MARCHF1: variants seen among roughly 807,000 people sequenced by gnomAD.
MARCHF1 encodes the protein E3 ubiquitin-protein ligase MARCHF1.
In MARCHF1, 40 loss-of-function variants were observed where a neutral mutation model predicts 54.2. The ratio of observed to expected loss-of-function variants is 0.74; its 90% CI spans 0.57 to 0.96. MARCHF1 has a LOEUF of 0.96. Among genes scored for constraint, MARCHF1 ranks in the 40% least tolerant of loss-of-function variants. The pLI is 0.00. For missense variants in MARCHF1, 586 were observed against 656.5 expected (o/e 0.89, Z 1.17); for synonymous variants, 236 against 236.3 (o/e 1.00, Z 0.01).
At chr4:164,258,132 C>T (rs1338622894) in intron 1 of MARCHF1, among the ~76,000 whole-genome samples, 1 of 152,064 alleles carries the variant, frequency 6.6e-6, no homozygotes. Context: ...AACCATCATT[C>T]TCAGCAAACA....
Position 163,988,681 on chromosome 4 carries a change from T to C in MARCHF1, c.-219A>G, listed in dbSNP as rs1328532324. ...CCTGAGTAGCCCACCTGCACAATTG[T>C]TCATATCCTTGCTTTGCCAAGCTCA... On this transcript the variant is annotated 5_prime_UTR_variant, in exon 3 of 10. Transcript: ENST00000514618. 6.6e-6 allele frequency: 1 copy of C among 152,188 alleles called. No homozygotes were observed. The highest frequency in any genetic ancestry group is 1.5e-5 in the Non-Finnish European group (1 of 68,062). The allele number at this position is 152,188 out of a possible 1,614,324, so 9.4% of individuals were successfully genotyped here. A position where few individuals can be genotyped will look rare whatever the true frequency, so the allele number is the denominator to read the frequency against.
intron 1 of MARCHF1, among the ~76,000 whole-genome samples, chr4:164,262,335 C>A (rs1301288133): frequency 6.6e-6 from 1 of 152,060 alleles, no homozygotes; most frequent in Admixed American, 6.6e-5. Flanking sequence ...CCCCACAACA[C>A]CAAACAAGTG....
intron 1 of MARCHF1, among the ~76,000 whole-genome samples, chr4:164,344,646 A>G (rs1003656564): frequency 1.3e-5 from 2 of 152,170 alleles, no homozygotes; most frequent in African/African-American, 4.8e-5. Flanking sequence ...GGATCTAGAA[A>G]GGCAACTATC....
chr4:164,268,187 T>G (rs1010334404), intron 1 of MARCHF1, among the ~76,000 whole-genome samples: 2 of 152,160 alleles, frequency 1.3e-5, no homozygotes, highest in Admixed American at 6.6e-5. Context: ...AAACACATAT[T>G]TTAATGTGGT....
chr4:163,612,911 C>A lies in MARCHF1; in HGVS notation c.370G>T (p.Ala124Ser). 1 of 1,535,464 alleles carries A rather than the reference C, an allele frequency of 6.5e-7. No homozygotes were observed. The highest frequency in any genetic ancestry group is 1.2e-5 in the South Asian group (1 of 84,040). Residue 124 changes from alanine to serine, a missense_variant, in exon 7 of 10, where the codon GCC (alanine) becomes TCC (serine). This residue lies in a region of MARCHF1 where 387 missense variants were observed against 394.6 expected (regional missense o/e 0.98). Transcript: ENST00000514618. Reference sequence around the variant, plus strand: ...GCAGCATGCTCATATCTCTCAGAGGCTTTTCTCCTCCTCCTAGGTCTTTGT... The same window carrying A: ...GCAGCATGCTCATATCTCTCAGAGGATTTTCTCCTCCTCCTAGGTCTTTGT... ...VIQRPRRRRK[A>S]SERYEHAAEE...
intron 3 of MARCHF1, among the ~76,000 whole-genome samples, chr4:163,947,759 T>C (rs72687926): frequency 0.089 from 13,592 of 152,314 alleles, 723 homozygotes; most frequent in Non-Finnish European, 0.12. Context: ...GCGTAGCTTA[T>C]ATTGTCTAGA....
intron 3 of MARCHF1, among the ~76,000 whole-genome samples, chr4:163,950,986 T>A (rs1460898586): frequency 6.6e-6 from 1 of 152,174 alleles, no homozygotes; most frequent in Non-Finnish European, 1.5e-5. Context: ...GCATGAAATG[T>A]CATAGTATCA....
At chr4:163,742,397 C>CCCTTCCTTCCTT (rs201806407) in intron 4 of MARCHF1, among the ~76,000 whole-genome samples, 1,077 of 91,276 alleles carry the variant, frequency 0.012, 19 homozygotes, top group East Asian at 0.04. Context: ...CTTCCTTCCT[C>CCCTTCCTTCCTT]CCTTCCTTCC....
rs757189484 is a variant in MARCHF1 at position 163,817,424 on chromosome 4, GAC to G, written c.111+36595_111+36596del. Among the ~76,000 whole-genome samples the G allele has an allele frequency of 5.4e-5, 8 of 147,730 alleles. No homozygotes were observed. In the South Asian group the frequency reaches 1.3e-3, roughly 24 times the overall value. On this transcript the variant is annotated intron_variant, in intron 4 of 9. Coordinates refer to ENST00000514618, the MANE Select transcript of MARCHF1 (RefSeq NM_001394959.1). ...ACATATACATATATATGTATATATA[GAC>G]ACACACACATATATGTAGCTGTGTG...
intron 2 of MARCHF1, among the ~76,000 whole-genome samples, chr4:164,006,422 G>A (rs968837520): frequency 8.6e-5 from 13 of 151,476 alleles, no homozygotes; most frequent in Middle Eastern, 6.8e-3. Flanking sequence ...CACAGTCAGA[G>A]GAGAAAAATG....
intron 5 of MARCHF1, among the ~76,000 whole-genome samples, chr4:163,688,958 T>G (rs1489711057): frequency 6.6e-6 from 1 of 152,170 alleles, no homozygotes; most frequent in Admixed American, 6.5e-5. Context: ...TGCAAGGTTG[T>G]TTTAGTTTCT....
At chr4:163,834,499 T>C (rs549940326) in intron 4 of MARCHF1, among the ~76,000 whole-genome samples, 4 of 152,160 alleles carry the variant, frequency 2.6e-5, no homozygotes, top group African/African-American at 9.6e-5. Flanking sequence ...ATGTGCACAA[T>C]GTGCAGGTTA....
At chr4:163,575,709 G>A (rs1473989360) in intron 8 of MARCHF1, among the ~76,000 whole-genome samples, 1 of 150,820 alleles carries the variant, frequency 6.6e-6, no homozygotes, top group Non-Finnish European at 1.5e-5. Context: ...TTTTATTACT[G>A]ATTCAATTTC....
intron 1 of MARCHF1, among the ~76,000 whole-genome samples, chr4:164,122,254 G>C (rs1042626381): frequency 1.3e-5 from 2 of 152,138 alleles, no homozygotes; most frequent in African/African-American, 4.8e-5. Context: ...TACTTAGCCA[G>C]ATAGTGAGGA....
chr4:163,969,442 G>A (rs1752506078), intron 3 of MARCHF1, among the ~76,000 whole-genome samples: 1 of 152,154 alleles, frequency 6.6e-6, no homozygotes, highest in Non-Finnish European at 1.5e-5. Flanking sequence ...TTCTTTTGGA[G>A]ATATTGATTC....
chr4:164,001,235 T>C (rs1385345969), intron 2 of MARCHF1, among the ~76,000 whole-genome samples: 1 of 151,770 alleles, frequency 6.6e-6, no homozygotes, highest in Admixed American at 6.6e-5. Context: ...ACTTAGTAAC[T>C]TCTCTTGTGG....
At chr4:164,034,024 C>T (rs541431075) in intron 2 of MARCHF1, among the ~76,000 whole-genome samples, 28 of 151,656 alleles carry the variant, frequency 1.8e-4, no homozygotes, top group Admixed American at 5.9e-4. Flanking sequence ...GGAACCAACT[C>T]AAATGCCCAT....
At chr4:164,351,145 A>T (rs1467050074) in intron 1 of MARCHF1, among the ~76,000 whole-genome samples, 1 of 152,034 alleles carries the variant, frequency 6.6e-6, no homozygotes, top group Non-Finnish European at 1.5e-5. Context: ...CTAGCACAGC[A>T]GCCTGAGATC....
chr4:163,807,549 A>C (rs1314621954), intron 4 of MARCHF1, among the ~76,000 whole-genome samples: 1 of 152,166 alleles, frequency 6.6e-6, no homozygotes, highest in Admixed American at 6.5e-5. Context: ...GGTAATTCAA[A>C]TATATTACAA....
Sources: allele counts gnomAD v4.1 joint callset (sites outside exome capture counted in the v4.1 genomes callset), GRCh38; gene constraint gnomAD v4.1.1; regional missense constraint gnomAD v4.1.1; transcripts MANE v1.5; gene names NCBI Gene and HGNC (gene_info 2026-07-23, HGNC 2026-07-21).